The following PHACTR1 variants were observed in gnomAD, a reference collection of about 807,000 sequenced individuals.
PHACTR1 encodes phosphatase and actin regulator 1, also known as RPEL repeat containing 1.
Under a neutral mutation model 69.2 loss-of-function variants are expected in PHACTR1, and 16 were observed. That is an observed-to-expected ratio of 0.23 (90% CI 0.16 to 0.35). The LOEUF (loss-of-function observed/expected upper bound fraction) is 0.35. PHACTR1 is among the 10% of genes least tolerant of loss of function. The pLI is 1.00. For missense variants in PHACTR1, 510 were observed against 734.7 expected (o/e 0.69, Z 3.54); for synonymous variants, 312 against 284.5 (o/e 1.10, Z -0.97).
chr6:12,914,357 C>T (rs1786735362), intron 4 of PHACTR1, among the ~76,000 whole-genome samples: 1 of 152,170 alleles, frequency 6.6e-6, no homozygotes, highest in Non-Finnish European at 1.5e-5. Flanking sequence ...TCTGCTCCTT[C>T]TCACCTCTTT....
chr6:13,077,916 G>T (rs534290953), intron 5 of PHACTR1, among the ~76,000 whole-genome samples: 1 of 152,292 alleles, frequency 6.6e-6, no homozygotes, highest in Admixed American at 6.5e-5. Flanking sequence ...GACCCTGGGT[G>T]ACTGGGTGCT....
intron 5 of PHACTR1, among the ~76,000 whole-genome samples, chr6:13,146,131 T>A (rs1823314178): frequency 6.6e-6 from 1 of 152,218 alleles, no homozygotes; most frequent in Non-Finnish European, 1.5e-5. Flanking sequence ...TCATGTAACA[T>A]CTTCTTTATC....
rs114303354 is a variant in PHACTR1 at position 12,737,758 on chromosome 6, C to T, written c.104-11886C>T. ...TACAGGCGTGTGCCACCAAGCCCAG[C>T]TAATTTTTAAAATTTTTTATAGAAA... is the stretch of plus-strand genomic sequence containing the variant. On this transcript the variant is annotated intron_variant, in intron 3 of 14. Transcript: ENST00000332995. Among the ~76,000 whole-genome samples the T allele has an allele frequency of 5.2e-3, 786 of 152,060 alleles. 4 individuals carry two copies. Among genetic ancestry groups the T allele is most frequent in the Non-Finnish European group, 7.8e-3 (529 of 67,966 alleles).
At chr6:12,863,139 A>C (rs1349695199) in intron 4 of PHACTR1, among the ~76,000 whole-genome samples, 1 of 152,224 alleles carries the variant, frequency 6.6e-6, no homozygotes, top group Non-Finnish European at 1.5e-5. Flanking sequence ...AGAAGTTATG[A>C]AGTTGGAGTC....
At chr6:12,806,861 A>G (rs551919224) in intron 4 of PHACTR1, among the ~76,000 whole-genome samples, 3 of 152,240 alleles carry the variant, frequency 2.0e-5, no homozygotes, top group Non-Finnish European at 2.9e-5. Flanking sequence ...CACAGCCAGC[A>G]GGACATATAT....
At chr6:12,957,450 C>T in intron 4 of PHACTR1, 1 of 985,350 alleles carries the variant, frequency 1.0e-6, no homozygotes, top group Non-Finnish European at 1.2e-6. Flanking sequence ...TTGAAATGTT[C>T]CCTGTTTCTG....
chr6:12,829,190 G>A (rs1037244546), intron 4 of PHACTR1, among the ~76,000 whole-genome samples: 1 of 151,972 alleles, frequency 6.6e-6, no homozygotes, highest in African/African-American at 2.4e-5. Flanking sequence ...TCGGCCCAGG[G>A]GAGTTATTAT....
intron 4 of PHACTR1, among the ~76,000 whole-genome samples, chr6:12,882,822 A>G (rs1341028878): frequency 3.3e-5 from 5 of 152,158 alleles, no homozygotes; most frequent in Admixed American, 6.5e-5. Flanking sequence ...TATTCTGTAA[A>G]GCACTTAGAA....
chr6:12,760,572 G>A (rs953051105), intron 4 of PHACTR1, among the ~76,000 whole-genome samples: 1 of 152,138 alleles, frequency 6.6e-6, no homozygotes, highest in African/African-American at 2.4e-5. Context: ...CAAAGAAAAA[G>A]GGGAGGAGAA....
intron 5 of PHACTR1, among the ~76,000 whole-genome samples, chr6:13,155,670 A>G (rs1030753596): frequency 6.6e-6 from 1 of 152,240 alleles, no homozygotes; most frequent in South Asian, 2.1e-4. Context: ...CGGGCAGATC[A>G]TGAGGTCAGG....
At chr6:13,133,960 T>C (rs1417350671) in intron 5 of PHACTR1, among the ~76,000 whole-genome samples, 9 of 143,106 alleles carry the variant, frequency 6.3e-5, no homozygotes, top group Non-Finnish European at 1.2e-4. Flanking sequence ...CCGTCTATGA[T>C]GTGAGGAGCG....
intron 4 of PHACTR1, among the ~76,000 whole-genome samples, chr6:12,978,234 C>G (rs1220016234): frequency 6.6e-6 from 1 of 152,208 alleles, no homozygotes; most frequent in African/African-American, 2.4e-5. Flanking sequence ...AAATCTGAAT[C>G]TCATCATGTC....
At chr6:13,286,967 C>A in intron 14 of PHACTR1, 96 bp from the exon 15 acceptor site, 1 of 1,364,244 alleles carries the variant, frequency 7.3e-7, no homozygotes. Flanking sequence ...ACCTCCCTCT[C>A]ACGGTCAAGA....
chr6:13,018,847 T>G (rs1282136888), intron 4 of PHACTR1, among the ~76,000 whole-genome samples: 1 of 152,082 alleles, frequency 6.6e-6, no homozygotes, highest in Non-Finnish European at 1.5e-5. Context: ...AGAGGCGATG[T>G]GACCAACTCA....
chr6:13,254,047 G>A (rs1019110673), intron 10 of PHACTR1, among the ~76,000 whole-genome samples: 2 of 152,150 alleles, frequency 1.3e-5, no homozygotes, highest in Non-Finnish European at 2.9e-5. Flanking sequence ...GGCTAACATG[G>A]TGAAACCCTA....
intron 6 of PHACTR1, among the ~76,000 whole-genome samples, chr6:13,166,185 T>C (rs1402981773): frequency 6.6e-6 from 1 of 152,196 alleles, no homozygotes; most frequent in African/African-American, 2.4e-5. Flanking sequence ...AGGTGTCACC[T>C]TCCCAGTGAA....
At chr6:12,758,461 C>T (rs1308761414) in intron 4 of PHACTR1, among the ~76,000 whole-genome samples, 8 of 105,816 alleles carry the variant, frequency 7.6e-5, no homozygotes, top group Non-Finnish European at 9.3e-5. Flanking sequence ...GCGAGACTCT[C>T]TTTCTAAAAA....
chr6:13,053,595 G>T, intron 5 of PHACTR1, 66 bp downstream of exon 5: 1 of 1,529,004 alleles, frequency 6.5e-7, no homozygotes, highest in South Asian at 1.3e-5. Flanking sequence ...TATCTTAACA[G>T]AATTTAATTG....
chr6:13,101,886 A>G (rs1045136278), intron 5 of PHACTR1, among the ~76,000 whole-genome samples: 1 of 152,170 alleles, frequency 6.6e-6, no homozygotes, highest in Non-Finnish European at 1.5e-5. Flanking sequence ...AGACCCACCT[A>G]TTCATGGAGG....
Sources: gnomAD v4.1 joint callset for allele counts (sites outside exome capture counted in the v4.1 genomes callset) on GRCh38, gnomAD v4.1.1 for gene constraint, MANE v1.5 for transcripts, NCBI Gene and HGNC (gene_info 2026-07-23, HGNC 2026-07-21) for gene names.